LIMD1: variants seen among roughly 807,000 people sequenced by gnomAD.
LIMD1 encodes LIM domain containing 1.
Under a neutral mutation model 58.4 loss-of-function variants are expected in LIMD1, and 23 were observed. The ratio of observed to expected loss-of-function variants is 0.39; its 90% CI spans 0.28 to 0.56. The LOEUF (loss-of-function observed/expected upper bound fraction) is 0.56, where lower values mean the gene tolerates loss of function less well. Ranked by LOEUF, LIMD1 falls within the 20% of genes least tolerant of loss-of-function variation. The pLI, the probability that LIMD1 is intolerant of heterozygous loss-of-function variation, is 0.57. For synonymous variants in LIMD1, 334 were observed against 345.5 expected (o/e 0.97, Z 0.37); for missense variants, 838 against 855.5 (o/e 0.98, Z 0.25).
rs575932678 is a variant in LIMD1 at position 45,605,670 on chromosome 3, TA to T, written c.1408+9385del. On this transcript the variant is annotated intron_variant, in intron 1 of 7. Coordinates refer to ENST00000273317, the MANE Select transcript of LIMD1 (RefSeq NM_014240.3). ...AGGACGAAAGGTGTCCTTTAGGAAA[TA>T]ACCACACATGGCAAGCCACTGGTAT... Among the ~76,000 whole-genome samples, 22 of 152,328 alleles carry T rather than the reference TA, an allele frequency of 1.4e-4. 1 individual carries two copies. In the South Asian group the frequency reaches 4.6e-3, roughly 32 times the overall value.
intron 1 of LIMD1, among the ~76,000 whole-genome samples, chr3:45,617,088 C>T (rs1214221226): frequency 1.8e-4 from 25 of 142,218 alleles, no homozygotes; most frequent in African/African-American, 6.3e-4. Context: ...GGCTGGAGTG[C>T]AGTGGCACCA....
intron 1 of LIMD1, among the ~76,000 whole-genome samples, chr3:45,620,240 A>C (rs1314272828): frequency 6.6e-6 from 1 of 152,188 alleles, no homozygotes; most frequent in Non-Finnish European, 1.5e-5. Context: ...GGGTGATGTT[A>C]AAAGTGAGCT....
At chr3:45,619,509 C>T (rs1477615743) in intron 1 of LIMD1, among the ~76,000 whole-genome samples, 1 of 152,122 alleles carries the variant, frequency 6.6e-6, no homozygotes, top group Non-Finnish European at 1.5e-5. Flanking sequence ...CTTAAATTCA[C>T]GTTTTAAGGC....
At chr3:45,675,390 G>A (rs1181246298) in intron 7 of LIMD1, among the ~76,000 whole-genome samples, 3 of 152,292 alleles carry the variant, frequency 2.0e-5, no homozygotes, top group African/African-American at 4.8e-5. Context: ...ATTAGTGGGC[G>A]TGGTGGCACA....
chr3:45,684,114 G>A lies in LIMD1; in HGVS notation c.*7055G>A, dbSNP rs906983905. ...TCATACTCTGTGGGTTATGGTCAGA[G>A]AGATCTGGTTAGAAGTTCCCAGGTA... On this transcript the variant is annotated 3_prime_UTR_variant, in exon 8 of 8. Coordinates refer to ENST00000273317, the MANE Select transcript of LIMD1 (RefSeq NM_014240.3). The A allele has an allele frequency of 5.3e-5, 8 of 152,214 alleles. No homozygotes were observed. Among genetic ancestry groups the A allele is most frequent in the African/African-American group, 1.9e-4 (8 of 41,446 alleles). The allele number at this position is 152,214 out of a possible 1,614,324, so 9.4% of individuals were successfully genotyped here.
chr3:45,617,164 G>C (rs1157294913), intron 1 of LIMD1, among the ~76,000 whole-genome samples: 1 of 151,276 alleles, frequency 6.6e-6, no homozygotes, highest in African/African-American at 2.4e-5. Flanking sequence ...CTCCCTAGTA[G>C]CTGGGACTAC....
chr3:45,655,810 C>T (rs866113086), intron 2 of LIMD1, among the ~76,000 whole-genome samples: 7 of 152,182 alleles, frequency 4.6e-5, no homozygotes, highest in African/African-American at 7.2e-5. Context: ...TACGTCTCTA[C>T]GTATGAGCCG....
chr3:45,661,915 A>G (rs960094747), intron 2 of LIMD1, among the ~76,000 whole-genome samples: 4 of 152,012 alleles, frequency 2.6e-5, no homozygotes, highest in Non-Finnish European at 5.9e-5. Context: ...GCCCCACTAC[A>G]CCTAGCTAAC....
Position 45,596,271 on chromosome 3 carries a change from G to C in LIMD1, c.1392G>C (p.Pro464=). 6.2e-7 allele frequency: 1 copy of C among 1,603,638 alleles called. No individual in the cohort carries two copies. The highest frequency in any genetic ancestry group is 8.5e-7 in the Non-Finnish European group (1 of 1,175,434). ...TGGAGCGAGAGATGGATGCTCACCC[G>C]AAGGCTGATTACTTTGGTGAGTGAG... ...QRLEREMDAH[P]KADYFGACVK... is the part of the protein sequence containing the mutation. Residue 464 remains proline (P), a synonymous_variant, in exon 1 of 8, where the codon CCG becomes CCC. Coordinates refer to ENST00000273317, the MANE Select transcript of LIMD1 (RefSeq NM_014240.3).
chr3:45,643,116 C>T (rs1334323562), intron 2 of LIMD1, among the ~76,000 whole-genome samples: 1 of 152,152 alleles, frequency 6.6e-6, no homozygotes, highest in African/African-American at 2.4e-5. Flanking sequence ...CCCACCTGTG[C>T]CTCAGAAGCA....
intron 2 of LIMD1, among the ~76,000 whole-genome samples, chr3:45,642,031 C>T (rs1701847854): frequency 6.6e-6 from 1 of 152,224 alleles, no homozygotes; most frequent in African/African-American, 2.4e-5. Context: ...CAAGGTGTTC[C>T]ACCAAGATTC....
chr3:45,623,938 C>G (rs1485892797), intron 1 of LIMD1, among the ~76,000 whole-genome samples: 1 of 152,144 alleles, frequency 6.6e-6, no homozygotes, highest in African/African-American at 2.4e-5. Flanking sequence ...GCGTGTTAGT[C>G]AGGAGCCCAG....
chr3:45,651,863 C>G (rs1701977314), intron 2 of LIMD1, among the ~76,000 whole-genome samples: 1 of 152,020 alleles, frequency 6.6e-6, no homozygotes, highest in Non-Finnish European at 1.5e-5. Flanking sequence ...AACTCCTGAC[C>G]TCAGGTGATC....
chr3:45,627,083 C>T (rs35342191), intron 1 of LIMD1, among the ~76,000 whole-genome samples: 5,992 of 152,190 alleles, frequency 0.039, 151 homozygotes, highest in East Asian at 0.14. Flanking sequence ...GGCACACAAA[C>T]ACCTTCTTCT....
chr3:45,665,847 A>G, intron 3 of LIMD1, 130 bp downstream of exon 3: 2 of 775,080 alleles, frequency 2.6e-6, no homozygotes, highest in East Asian at 2.5e-5. Flanking sequence ...TTCCTTCTGT[A>G]GATACTTGGG....
At chr3:45,611,442 A>G (rs1048827338) in intron 1 of LIMD1, among the ~76,000 whole-genome samples, 2 of 152,250 alleles carry the variant, frequency 1.3e-5, no homozygotes, top group African/African-American at 4.8e-5. Flanking sequence ...CTTAAAAAAT[A>G]CACTCAGTTT....
chr3:45,635,917 A>G, intron 1 of LIMD1: 1 of 985,230 alleles, frequency 1.0e-6, no homozygotes, highest in Non-Finnish European at 1.2e-6. Context: ...ACATTAGCAT[A>G]ACAGTGGGGC....
At chr3:45,670,812 A>G (rs1697578204) in intron 4 of LIMD1, among the ~76,000 whole-genome samples, 1 of 152,194 alleles carries the variant, frequency 6.6e-6, no homozygotes, top group African/African-American at 2.4e-5. Context: ...GGTCTTCCCT[A>G]GGACTTGAAA....
intron 1 of LIMD1, among the ~76,000 whole-genome samples, chr3:45,596,617 G>T (rs1202356132): frequency 6.6e-6 from 1 of 152,084 alleles, no homozygotes; most frequent in Non-Finnish European, 1.5e-5. Flanking sequence ...AGAGCCTCTT[G>T]CAGTGACAGG....
Sources: allele counts gnomAD v4.1 joint callset (sites outside exome capture counted in the v4.1 genomes callset), GRCh38; gene constraint gnomAD v4.1.1; transcripts MANE v1.5; gene names NCBI Gene and HGNC (gene_info 2026-07-23, HGNC 2026-07-21).